Variants in RBM47 observed in about 807,000 individuals in gnomAD.
The protein encoded by RBM47 is RNA binding motif protein 47, also known as RNA-binding protein 47.
Under a neutral mutation model 47.1 loss-of-function variants are expected in RBM47, and 21 were observed. The observed-to-expected ratio is 0.45, with a 90% CI of 0.32 to 0.64. RBM47 has a LOEUF of 0.64. Among genes scored for constraint, RBM47 ranks in the 30% least tolerant of loss-of-function variants. The pLI, the probability that RBM47 is intolerant of heterozygous loss-of-function variation, is 0.05. For missense variants in RBM47, 708 were observed against 870.9 expected (o/e 0.81, Z 2.35); for synonymous variants, 375 against 361.7 (o/e 1.04, Z -0.42).
intron 1 of RBM47, among the ~76,000 whole-genome samples, chr4:40,617,124 C>T (rs892012157): frequency 2.6e-5 from 4 of 151,960 alleles, no homozygotes; most frequent in African/African-American, 9.7e-5. Flanking sequence ...GATCCACCCG[C>T]CTCGGCCTCC....
chr4:40,431,635 G>C (rs1208740213), intron 6 of RBM47, among the ~76,000 whole-genome samples: 3 of 146,446 alleles, frequency 2.0e-5, no homozygotes, highest in East Asian at 2.1e-4. Flanking sequence ...TCCAGCCTGG[G>C]CGACAGAGCG....
intron 1 of RBM47, among the ~76,000 whole-genome samples, chr4:40,548,553 G>C (rs1007131033): frequency 6.6e-6 from 1 of 152,254 alleles, no homozygotes; most frequent in African/African-American, 2.4e-5. Flanking sequence ...ACAGACATAG[G>C]GATGCTTGCC....
At chr4:40,573,819 G>GAAAGAAAGAAAGA (rs1553903551) in intron 1 of RBM47, among the ~76,000 whole-genome samples, 1 of 149,102 alleles carries the variant, frequency 6.7e-6, no homozygotes, top group Non-Finnish European at 1.5e-5. Context: ...AAGAAAGAAA[G>GAAAGAAAGAAAGA]AAAGAAAGAA....
At chr4:40,478,576 C>T (rs1345538186) in intron 2 of RBM47, among the ~76,000 whole-genome samples, 1 of 152,188 alleles carries the variant, frequency 6.6e-6, no homozygotes, top group Non-Finnish European at 1.5e-5. Context: ...CATAGTAAGA[C>T]ATGATTATGT....
chr4:40,580,961 G>A (rs976339477), intron 1 of RBM47, among the ~76,000 whole-genome samples: 6 of 152,114 alleles, frequency 3.9e-5, no homozygotes, highest in East Asian at 1.9e-4. Context: ...GCCCCATGGC[G>A]GGAACAGGTT....
intron 1 of RBM47, among the ~76,000 whole-genome samples, chr4:40,573,568 C>A (rs1256751086): frequency 6.6e-6 from 1 of 151,578 alleles, no homozygotes; most frequent in African/African-American, 2.4e-5. Context: ...CATGGTGAAA[C>A]CCCATCTCTA....
chr4:40,557,009 G>A (rs1467351146), intron 1 of RBM47, among the ~76,000 whole-genome samples: 1 of 152,064 alleles, frequency 6.6e-6, no homozygotes, highest in African/African-American at 2.4e-5. Flanking sequence ...ATATGAAAGT[G>A]TACGCTCATT....
chr4:40,623,911 A>G (rs1377352289), intron 1 of RBM47, among the ~76,000 whole-genome samples: 1 of 151,690 alleles, frequency 6.6e-6, no homozygotes, highest in Non-Finnish European at 1.5e-5. Flanking sequence ...GAGTGCAGTG[A>G]CGCAATCTCG....
rs1210918261 is a variant in RBM47 at position 40,598,830 on chromosome 4, C to CT, written c.-240+30565dup. Among the ~76,000 whole-genome samples, 15 of 125,528 alleles carry CT rather than the reference C, an allele frequency of 1.2e-4. 1 individual carries two copies. The highest frequency in any genetic ancestry group is 4.3e-4 in the African/African-American group (14 of 32,320). 82.4% of individuals were successfully genotyped at this position (125,528 alleles called of 152,430 possible). Reference sequence around the variant, plus strand: ...AGCCATAAATGAATTATCAGAAAGTCTTTTATTCTTGTAAAACCAAAAAAA... The same window carrying CT: ...AGCCATAAATGAATTATCAGAAAGTCTTTTTATTCTTGTAAAACCAAAAAAA... On this transcript the variant is annotated intron_variant, in intron 1 of 6. Coordinates refer to ENST00000295971, the MANE Select transcript of RBM47 (RefSeq NM_001098634.2).
intron 2 of RBM47, among the ~76,000 whole-genome samples, chr4:40,487,592 C>T (rs1039007587): frequency 3.9e-5 from 6 of 152,104 alleles, no homozygotes; most frequent in African/African-American, 1.4e-4. Context: ...TGCTTGGCCT[C>T]ATCATTTCTT....
chr4:40,511,839 G>A (rs993246575), intron 2 of RBM47, among the ~76,000 whole-genome samples: 4 of 151,604 alleles, frequency 2.6e-5, no homozygotes, highest in Admixed American at 1.3e-4. Context: ...GGAGGCTGAG[G>A]CAGGAGAATC....
intron 2 of RBM47, among the ~76,000 whole-genome samples, chr4:40,476,981 T>C (rs942773607): frequency 4.6e-5 from 7 of 152,164 alleles, no homozygotes; most frequent in African/African-American, 1.4e-4. Context: ...ATGCCTGTCA[T>C]CCCAGCACTT....
intron 2 of RBM47, among the ~76,000 whole-genome samples, chr4:40,528,973 TA>T (rs1459236679): frequency 6.7e-6 from 1 of 149,918 alleles, no homozygotes; most frequent in African/African-American, 2.4e-5. Flanking sequence ...AATAAATAAA[TA>T]AATAAATAAA....
intron 1 of RBM47, among the ~76,000 whole-genome samples, chr4:40,595,963 A>G (rs1342667202): frequency 6.6e-6 from 1 of 151,988 alleles, no homozygotes; most frequent in Non-Finnish European, 1.5e-5. Context: ...GCTGGTCTTC[A>G]TGTATCTATC....
At chr4:40,452,869 A>G (rs1715663539) in intron 3 of RBM47, among the ~76,000 whole-genome samples, 1 of 137,448 alleles carries the variant, frequency 7.3e-6, no homozygotes, top group Non-Finnish European at 1.5e-5. Flanking sequence ...TTTAAGACAG[A>G]GTCTGACTCT....
intron 1 of RBM47, among the ~76,000 whole-genome samples, chr4:40,549,278 G>C (rs566971108): frequency 7.9e-5 from 12 of 151,720 alleles, no homozygotes; most frequent in African/African-American, 2.9e-4. Context: ...TTTTAGTAGA[G>C]ACAGGGTTTC....
chr4:40,463,293 T>G (rs1397105613), intron 3 of RBM47, among the ~76,000 whole-genome samples: 1 of 152,106 alleles, frequency 6.6e-6, no homozygotes, highest in African/African-American at 2.4e-5. Flanking sequence ...CATTCATCAT[T>G]AGGGAAATGC....
intron 2 of RBM47, among the ~76,000 whole-genome samples, chr4:40,501,078 C>T (rs989788432): frequency 5.3e-5 from 8 of 151,916 alleles, no homozygotes; most frequent in Middle Eastern, 3.2e-3. Context: ...ATAAAACAAG[C>T]GATCCCGGGT....
At chr4:40,460,255 T>A (rs902303065) in intron 3 of RBM47, among the ~76,000 whole-genome samples, 1 of 151,896 alleles carries the variant, frequency 6.6e-6, no homozygotes, top group African/African-American at 2.4e-5. Context: ...TTAACTGATA[T>A]GCTTAGCTTC....
Sources: gnomAD v4.1 joint callset for allele counts (sites outside exome capture counted in the v4.1 genomes callset) on GRCh38, gnomAD v4.1.1 for gene constraint, MANE v1.5 for transcripts, NCBI Gene and HGNC (gene_info 2026-07-23, HGNC 2026-07-21) for gene names.